AKAP6: variants seen among roughly 807,000 people sequenced by gnomAD.
The protein encoded by AKAP6 is A-kinase anchor protein 6.
Under a neutral mutation model 188.5 loss-of-function variants are expected in AKAP6, and 58 were observed. The ratio of observed to expected loss-of-function variants is 0.31; its 90% confidence interval spans 0.25 to 0.38. The LOEUF (loss-of-function observed/expected upper bound fraction) is 0.38, where lower values mean the gene tolerates loss of function less well. Among genes scored for constraint, AKAP6 ranks in the 10% least tolerant of loss-of-function variants. The pLI is 1.00. For missense variants in AKAP6, 2,710 were observed against 2,740.0 expected (o/e 0.99, Z 0.24); for synonymous variants, 989 against 998.6 (o/e 0.99, Z 0.18).
At chr14:32,461,525 C>T (rs1415734968) in intron 2 of AKAP6, among the ~76,000 whole-genome samples, 1 of 152,084 alleles carries the variant, frequency 6.6e-6, no homozygotes, top group East Asian at 1.9e-4. Context: ...AAAGCAACAA[C>T]AACATCAACA....
At chr14:32,806,229 A>T (rs1286871705) in intron 12 of AKAP6, among the ~76,000 whole-genome samples, 1 of 152,228 alleles carries the variant, frequency 6.6e-6, no homozygotes, top group Non-Finnish European at 1.5e-5. Context: ...GATAATTTTG[A>T]CATAGATGAG....
At chr14:32,608,276 G>A (rs147031162) in intron 7 of AKAP6, among the ~76,000 whole-genome samples, 30 of 152,190 alleles carry the variant, frequency 2.0e-4, no homozygotes, top group African/African-American at 7.0e-4. Context: ...GGAGGCTGAG[G>A]TGGGTGGACC....
At chr14:32,748,779 G>T in intron 11 of AKAP6, among the ~76,000 whole-genome samples, 1 of 152,164 alleles carries the variant, frequency 6.6e-6, no homozygotes, top group African/African-American at 2.4e-5. Context: ...AGATTATTAA[G>T]GGTGGGTCTT....
intron 8 of AKAP6, among the ~76,000 whole-genome samples, chr14:32,688,677 G>A (rs1449672811): frequency 6.6e-6 from 1 of 152,148 alleles, no homozygotes; most frequent in Non-Finnish European, 1.5e-5. Context: ...AGGTGTCTGT[G>A]ATACTACACC....
At chr14:32,801,696 A>C (rs1000071601) in intron 12 of AKAP6, among the ~76,000 whole-genome samples, 2 of 152,182 alleles carry the variant, frequency 1.3e-5, no homozygotes, top group Non-Finnish European at 2.9e-5. Context: ...TTCTGTTGGC[A>C]ATGAAACCAC....
At chr14:32,771,554 C>T (rs187626955) in intron 11 of AKAP6, among the ~76,000 whole-genome samples, 1 of 152,072 alleles carries the variant, frequency 6.6e-6, no homozygotes, top group Non-Finnish European at 1.5e-5. Context: ...AAAAATTTCT[C>T]CTAGCAACCT....
chr14:32,678,243 G>A (rs1225872712), intron 7 of AKAP6, 68 bp from the exon 8 acceptor site: 1 of 1,517,070 alleles, frequency 6.6e-7, no homozygotes, highest in Non-Finnish European at 9.0e-7. Context: ...TCTTTGAGTT[G>A]TTACACCTCA....
At chr14:32,639,124 A>AGTG (rs1271487436) in intron 7 of AKAP6, among the ~76,000 whole-genome samples, 2 of 152,138 alleles carry the variant, frequency 1.3e-5, no homozygotes, top group Non-Finnish European at 2.9e-5. Context: ...ATTGCTATTG[A>AGTG]GTGGTTCACA....
rs1007982225 is a variant in AKAP6, at chr14:32,731,691, A to G, written c.3001-763A>G. Among the ~76,000 whole-genome samples the G allele has an allele frequency of 3.3e-5, 5 of 152,284 alleles. 1 individual carries two copies. Among genetic ancestry groups the G allele is most frequent in the Admixed American group, 2.0e-4 (3 of 15,270 alleles). ...ATAGTCATTTATGGCTATCCATAATATAGGACTAACTATGGAGTTATCCAA... is the reference window on the plus strand; with the variant it reads ...ATAGTCATTTATGGCTATCCATAATGTAGGACTAACTATGGAGTTATCCAA... On this transcript the variant is annotated intron_variant, in intron 9 of 13. Transcript: ENST00000280979.
chr14:32,415,706 C>G (rs1283750337), intron 1 of AKAP6, among the ~76,000 whole-genome samples: 1 of 152,092 alleles, frequency 6.6e-6, no homozygotes, highest in Non-Finnish European at 1.5e-5. Context: ...CTTCCCTTAG[C>G]CCCTGGAAAC....
At chr14:32,728,185 T>C (rs993770666) in intron 9 of AKAP6, among the ~76,000 whole-genome samples, 2 of 136,314 alleles carry the variant, frequency 1.5e-5, no homozygotes, top group African/African-American at 5.4e-5. Flanking sequence ...GAGTTGTAAA[T>C]AGACACATCC....
intron 11 of AKAP6, among the ~76,000 whole-genome samples, chr14:32,743,140 A>T (rs1028958613): frequency 2.6e-5 from 4 of 152,018 alleles, no homozygotes; most frequent in African/African-American, 9.7e-5. Flanking sequence ...GTCTCTTCTT[A>T]TAGTTTTTGC....
intron 1 of AKAP6, among the ~76,000 whole-genome samples, chr14:32,378,932 T>C (rs79782452): frequency 6.6e-6 from 1 of 151,160 alleles, no homozygotes; most frequent in South Asian, 2.1e-4. Context: ...TTTTTTTTTT[T>C]TTTGAGACCG....
chr14:32,478,768 T>TAG (rs1410291253), intron 2 of AKAP6, among the ~76,000 whole-genome samples: 5 of 152,094 alleles, frequency 3.3e-5, no homozygotes, highest in African/African-American at 1.2e-4. Context: ...TGGGGATGGA[T>TAG]AGAGACTGGC....
At chr14:32,576,996 G>T (rs1472863272) in intron 4 of AKAP6, 124 bp from the exon 5 acceptor site, 1 of 1,048,708 alleles carries the variant, frequency 9.5e-7, no homozygotes, top group East Asian at 2.8e-5. Context: ...ACTAGGATAG[G>T]AGTGCGGTGG....
intron 12 of AKAP6, among the ~76,000 whole-genome samples, chr14:32,800,055 C>CTA (rs1378793050): frequency 2.2e-4 from 24 of 108,008 alleles, no homozygotes; most frequent in South Asian, 5.7e-4. Flanking sequence ...CTCTCTCTCT[C>CTA]TCTCTCTATA....
intron 7 of AKAP6, among the ~76,000 whole-genome samples, chr14:32,677,325 A>G (rs781255800): frequency 2.0e-5 from 3 of 152,232 alleles, no homozygotes; most frequent in Admixed American, 6.5e-5. Flanking sequence ...CTTACGTGTT[A>G]TGGAATTCTG....
At chr14:32,606,461 G>C (rs1335613801) in intron 7 of AKAP6, among the ~76,000 whole-genome samples, 1 of 151,998 alleles carries the variant, frequency 6.6e-6, no homozygotes, top group Non-Finnish European at 1.5e-5. Context: ...CATTATTACA[G>C]GTGTCTTATA....
chr14:32,361,321 G>A (rs1443190100), intron 1 of AKAP6, among the ~76,000 whole-genome samples: 5 of 152,056 alleles, frequency 3.3e-5, no homozygotes, highest in Non-Finnish European at 7.4e-5. Context: ...GCTTATGCTT[G>A]TATGTATGTT....
Sources: allele counts gnomAD v4.1 joint callset (sites outside exome capture counted in the v4.1 genomes callset), GRCh38; gene constraint gnomAD v4.1.1; transcripts MANE v1.5; gene names NCBI Gene and HGNC (gene_info 2026-07-23, HGNC 2026-07-21).